Variants in DPEP1 observed in about 807,000 individuals in gnomAD.
DPEP1 encodes dipeptidase 1, also known as beta-lactamase.
In DPEP1, 50 loss-of-function variants were observed where a neutral mutation model predicts 42.3. The ratio of observed to expected loss-of-function variants is 1.18; its 90% CI spans 0.94 to 1.50. The LOEUF (loss-of-function observed/expected upper bound fraction) is 1.50, where lower values mean the gene tolerates loss of function less well. Among genes scored for constraint, DPEP1 ranks in the 40% most tolerant of loss-of-function variants. The probability of loss-of-function intolerance (pLI) is 0.00; values close to 1 mark genes in which losing one functional copy is unlikely to be tolerated. For synonymous variants in DPEP1, 297 were observed against 234.0 expected (o/e 1.27, Z -2.46); for missense variants, 663 against 553.0 (o/e 1.20, Z -1.99).
downstream of DPEP1, among the ~76,000 whole-genome samples, chr16:89,639,830 T>A (rs920388150): frequency 2.0e-5 from 3 of 152,086 alleles, no homozygotes; most frequent in South Asian, 2.1e-4. Context: ...GGATTACAGA[T>A]GTGCGCCACC....
At chr16:89,636,752 C>T in intron 5 of DPEP1, 69 bp downstream of exon 5, 3 of 1,600,066 alleles carry the variant, frequency 1.9e-6, no homozygotes. Context: ...TCCCTGCCAC[C>T]CTCCAGAGCC....
At chr16:89,617,970 G>A (rs1278096428) in intron 1 of DPEP1, among the ~76,000 whole-genome samples, 3 of 152,170 alleles carry the variant, frequency 2.0e-5, no homozygotes, top group Non-Finnish European at 4.4e-5. Context: ...GTTGCAGTGA[G>A]CTGAGATTGT....
rs757988842 is a variant in DPEP1 at position 89,630,199 on chromosome 16, C to G, written c.-106-106C>G. On this transcript the variant is annotated intron_variant, in intron 1 of 10. Coordinates refer to ENST00000690203, the MANE Select transcript of DPEP1 (RefSeq NM_001389466.1). ...GTGTCCGGCCTTCCATCCTACCCAC[C>G]CTGGTGGGGAATGTGCTGGTTACTT... 1.2e-5 allele frequency: 5 copies of G among 421,140 alleles called. No homozygotes were observed. In the East Asian group the frequency reaches 1.8e-4, roughly 15 times the overall value. 26.1% of individuals were successfully genotyped at this position (421,140 alleles called of 1,614,324 possible). A position where few individuals can be genotyped will look rare whatever the true frequency, so the allele number is the denominator to read the frequency against.
chr16:89,634,319 C>T (rs1357394165), intron 2 of DPEP1, among the ~76,000 whole-genome samples: 1 of 152,036 alleles, frequency 6.6e-6, no homozygotes, highest in African/African-American at 2.4e-5. Flanking sequence ...GATCTCCTGA[C>T]CTTGTGATCT....
chr16:89,630,298 C>T lies in DPEP1; in HGVS notation c.-106-7C>T, dbSNP rs940116393. The stretch of plus-strand genomic sequence containing the variant: ...TCCACCCACACCTCTGGTGCCTCTC[C>T]TGGCAGGCAGAGTGGCTCCTCACAG... On this transcript the variant is annotated splice_region_variant and splice_polypyrimidine_tract_variant and intron_variant, in intron 1 of 10. Transcript: ENST00000690203. 5.2e-6 allele frequency: 4 copies of T among 774,598 alleles called. No homozygotes were observed. The highest frequency in any genetic ancestry group is 1.8e-5 in the African/African-American group (1 of 55,302). 48.0% of individuals were successfully genotyped at this position (774,598 alleles called of 1,614,324 possible).
At chr16:89,619,039 T>TCCCCTCCCTGCA (rs2059414201) in intron 1 of DPEP1, among the ~76,000 whole-genome samples, 1 of 2,260 alleles carries the variant, frequency 4.4e-4, no homozygotes, top group African/African-American at 2.3e-3. Flanking sequence ...CCTGCCCCCC[T>TCCCCTCCCTGCA]GCTCCCCTCC....
At chr16:89,618,010 C>G (rs987385704) in intron 1 of DPEP1, among the ~76,000 whole-genome samples, 1 of 151,582 alleles carries the variant, frequency 6.6e-6, no homozygotes, top group Admixed American at 6.6e-5. Flanking sequence ...GGCGACAGAG[C>G]GAGACTCAGT....
chr16:89,621,104 T>A (rs2059442445), intron 1 of DPEP1, among the ~76,000 whole-genome samples: 1 of 151,548 alleles, frequency 6.6e-6, no homozygotes, highest in Non-Finnish European at 1.5e-5. Context: ...AGAGGGTGGC[T>A]TCTGGGGTGA....
At position 89,624,537 on chromosome 16, in the gene DPEP1, G is replaced by GTT. The variant is rs71389406; in HGVS notation, c.-106-5759_-106-5758dup. On this transcript the variant is annotated intron_variant, in intron 1 of 10. Transcript: ENST00000690203. ...GCTGTTACATAGTTTTCTGGGGTTT[G>GTT]TTTTTTTTTTGTTTTGAGAGGGAGT... 2.6e-3 allele frequency among the ~76,000 whole-genome samples: 384 copies of GTT among 148,952 alleles called. 1 individual carries two copies. Among genetic ancestry groups the GTT allele is most frequent in the Middle Eastern group, 0.01 (3 of 290 alleles).
rs148401413 is a variant in DPEP1, at chr16:89,636,273, G to A, written c.247G>A (p.Val83Met). ...AGFVGGQFWS[V>M]YTPCDTQNKD... ...CCCCTGCGGCCCACAGTTCTGGTCC[G>A]TGTACACGCCCTGCGACACCCAGAA... Residue 83 changes from valine (V) to methionine (M), a missense_variant, in exon 4 of 11, where the codon GTG (valine) becomes ATG (methionine). By Grantham distance (21) the Val-to-Met change is conservative (BLOSUM62 1). Transcript: ENST00000690203. The A allele has an allele frequency of 1.9e-5, 30 of 1,608,826 alleles. No individual in the cohort carries two copies. The highest frequency in any genetic ancestry group is 4.0e-5 in the African/African-American group (3 of 74,890).
intron 2 of DPEP1, among the ~76,000 whole-genome samples, chr16:89,632,349 G>A (rs905422307): frequency 5.3e-5 from 8 of 152,212 alleles, no homozygotes; most frequent in Non-Finnish European, 1.0e-4. Flanking sequence ...CACCGCGCCC[G>A]GCCGGGGGTC....
Position 89,637,252 on chromosome 16 carries a change from C to T in DPEP1, c.640C>T (p.His214Tyr), listed in dbSNP as rs2059693805. 1.2e-6 allele frequency: 2 copies of T among 1,612,752 alleles called. No individual in the cohort carries two copies. Among genetic ancestry groups the T allele is most frequent in the Non-Finnish European group, 1.7e-6 (2 of 1,179,968 alleles). The change falls in exon 7 of 11, where the codon CAC becomes TAC. Residue 214 changes from histidine to tyrosine, a missense_variant. Transcript: ENST00000690203. ...TCTGGGGGTCCTCATCGACTTGGCTCACGTGTCTGTGGCCACCATGAAGGC... is the reference window on the plus strand; with the variant it reads ...TCTGGGGGTCCTCATCGACTTGGCTTACGTGTCTGTGGCCACCATGAAGGC... The part of the protein sequence containing the change: ...NRLGVLIDLA[H>Y]VSVATMKATL...
chr16:89,638,363 G>A lies in DPEP1; in HGVS notation c.*141G>A, dbSNP rs894991934. On this transcript the variant is annotated 3_prime_UTR_variant, in exon 11 of 11. Coordinates refer to ENST00000690203, the MANE Select transcript of DPEP1 (RefSeq NM_001389466.1). ...GAGAGGACGCCTGGGCTTACCTGGG[G>A]GGCAGGATGCCTGGGGACAGTTCAG... 4 of 1,423,676 alleles carry A rather than the reference G, an allele frequency of 2.8e-6. No homozygotes were observed. Among genetic ancestry groups the A allele is most frequent in the South Asian group, 1.6e-5 (1 of 64,324 alleles). The allele number at this position is 1,423,676 out of a possible 1,614,324, so 88.2% of individuals were successfully genotyped here.
upstream of DPEP1, chr16:89,613,518 C>G (rs910012137): frequency 1.3e-5 from 2 of 152,442 alleles, no homozygotes; most frequent in African/African-American, 4.8e-5. Context: ...CCAACCTTCC[C>G]CTCCCCTCCT....
chr16:89,637,238 T>G lies in DPEP1; in HGVS notation c.626T>G (p.Leu209Arg). 1 of 1,612,694 alleles carries G rather than the reference T, an allele frequency of 6.2e-7. No homozygotes were observed. Among genetic ancestry groups the G allele is most frequent in the South Asian group, 1.1e-5 (1 of 91,082 alleles). ...VVKELNRLGV[L>R]IDLAHVSVAT... Reference sequence around the variant, plus strand: ...AAGGAGCTGAACCGTCTGGGGGTCCTCATCGACTTGGCTCACGTGTCTGTG... The same window carrying G: ...AAGGAGCTGAACCGTCTGGGGGTCCGCATCGACTTGGCTCACGTGTCTGTG... Residue 209 changes from leucine (L) to arginine (R), a missense_variant, in exon 7 of 11, where the codon CTC (leucine) becomes CGC (arginine). Physicochemically the swap from Leu to Arg is moderately radical, Grantham distance 102. Coordinates refer to ENST00000690203, the MANE Select transcript of DPEP1 (RefSeq NM_001389466.1).
At chr16:89,634,047 C>A (rs1035828684) in intron 2 of DPEP1, among the ~76,000 whole-genome samples, 2 of 151,650 alleles carry the variant, frequency 1.3e-5, no homozygotes, top group African/African-American at 2.4e-5. Context: ...CTGCCCTGGG[C>A]CCCTTAGAGC....
upstream of DPEP1, chr16:89,613,432 C>T (rs2059349936): frequency 6.6e-6 from 1 of 152,292 alleles, no homozygotes; most frequent in African/African-American, 2.4e-5. Context: ...TCTCCTGGAG[C>T]AAAGTTCCCT....
chr16:89,620,949 A>G (rs1480438300), intron 1 of DPEP1, among the ~76,000 whole-genome samples: 1 of 152,150 alleles, frequency 6.6e-6, no homozygotes, highest in East Asian at 1.9e-4. Flanking sequence ...ACAGCATAGC[A>G]TGGAGCACCA....
At chr16:89,614,184 G>A (rs1238464008) in intron 1 of DPEP1, among the ~76,000 whole-genome samples, 1 of 152,074 alleles carries the variant, frequency 6.6e-6, no homozygotes. Context: ...TCCTCCCACT[G>A]GCCCTCCCCG....
Sources: gnomAD v4.1 joint callset for allele counts (sites outside exome capture counted in the v4.1 genomes callset) on GRCh38, gnomAD v4.1.1 for gene constraint, MANE v1.5 for transcripts, NCBI Gene and HGNC (gene_info 2026-07-23, HGNC 2026-07-21) for gene names.